Variants in TRAPPC9 observed in about 807,000 individuals in gnomAD.
The protein encoded by TRAPPC9 is IKK2 binding protein.
A neutral mutation model predicts 124.0 loss-of-function variants in TRAPPC9; 83 were observed. The ratio of observed to expected loss-of-function variants is 0.67; its 90% CI spans 0.56 to 0.80. The LOEUF (loss-of-function observed/expected upper bound fraction) is 0.80. Ranked by LOEUF, TRAPPC9 falls within the 30% of genes least tolerant of loss-of-function variation. TRAPPC9 has a pLI of 0.00. For synonymous variants in TRAPPC9, 638 were observed against 617.5 expected (o/e 1.03, Z -0.49); for missense variants, 1,302 against 1,508.3 (o/e 0.86, Z 2.27).
chr8:139,745,725 A>G (rs972021571), intron 21 of TRAPPC9, among the ~76,000 whole-genome samples: 1 of 152,246 alleles, frequency 6.6e-6, no homozygotes, highest in African/African-American at 2.4e-5. Flanking sequence ...GGCAAAGGGG[A>G]AGCCAGGGCC....
In TRAPPC9 at chr8:139,788,071, A is replaced by T. The variant is rs1055527591; in HGVS notation, c.3056-55869T>A. 1.3e-5 allele frequency among the ~76,000 whole-genome samples: 2 copies of T among 152,182 alleles called. No individual in the cohort carries two copies. Among genetic ancestry groups the T allele is most frequent in the Admixed American group, 6.5e-5 (1 of 15,286 alleles). On this transcript the variant is annotated intron_variant, in intron 21 of 22. Coordinates refer to ENST00000438773, the MANE Select transcript of TRAPPC9 (RefSeq NM_001160372.4). The surrounding 1 kb of genome is among the most constrained non-coding windows in gnomAD (Gnocchi z 4.9). ...GCATGGACTCAGAACTAGGAACCCG[A>T]ATTCCAACCAGGCTTCAGCCCAGAA...
intron 21 of TRAPPC9, among the ~76,000 whole-genome samples, chr8:139,846,393 C>T (rs992679116): frequency 2.6e-5 from 4 of 152,246 alleles, no homozygotes; most frequent in African/African-American, 9.6e-5. Context: ...TGGCCCACGA[C>T]CAGGCCCCAC....
intron 9 of TRAPPC9, among the ~76,000 whole-genome samples, chr8:140,333,682 C>T (rs1158101197): frequency 2.0e-5 from 3 of 152,134 alleles, no homozygotes; most frequent in East Asian, 1.9e-4. Context: ...TAAGCCACCG[C>T]GCCTGGCCAT....
chr8:140,004,224 T>C (rs1483491837), intron 18 of TRAPPC9, among the ~76,000 whole-genome samples: 1 of 152,186 alleles, frequency 6.6e-6, no homozygotes, highest in Non-Finnish European at 1.5e-5. Context: ...TGGCAGTGTG[T>C]GAAGTGTTGC....
chr8:140,256,255 G>A (rs2064255780), intron 15 of TRAPPC9, among the ~76,000 whole-genome samples: 1 of 152,194 alleles, frequency 6.6e-6, no homozygotes, highest in African/African-American at 2.4e-5. Context: ...CCTTTAGACG[G>A]TAAGTCACTC....
chr8:140,443,767 T>G (rs1286554909), intron 2 of TRAPPC9, among the ~76,000 whole-genome samples: 1 of 152,052 alleles, frequency 6.6e-6, no homozygotes, highest in Non-Finnish European at 1.5e-5. Context: ...CCGGGCATGG[T>G]GGCTCACGCC....
At chr8:139,780,955 T>C (rs1217254358) in intron 21 of TRAPPC9, among the ~76,000 whole-genome samples, 1 of 152,130 alleles carries the variant, frequency 6.6e-6, no homozygotes, top group African/African-American at 2.4e-5. Flanking sequence ...AAATTGTAAA[T>C]TAAAATAATG....
chr8:140,201,709 T>A (rs1355280555), intron 17 of TRAPPC9, among the ~76,000 whole-genome samples: 1 of 152,234 alleles, frequency 6.6e-6, no homozygotes, highest in Non-Finnish European at 1.5e-5. Flanking sequence ...TGGGGACATT[T>A]TTATATAATA....
At chr8:140,298,532 G>C (rs1049855148) in intron 11 of TRAPPC9, among the ~76,000 whole-genome samples, 1 of 152,074 alleles carries the variant, frequency 6.6e-6, no homozygotes, top group Non-Finnish European at 1.5e-5. Context: ...TGCACCTGTG[G>C]TCCCACCCAC....
At chr8:139,844,026 G>C (rs1339817137) in intron 21 of TRAPPC9, among the ~76,000 whole-genome samples, 1 of 152,072 alleles carries the variant, frequency 6.6e-6, no homozygotes, top group Non-Finnish European at 1.5e-5. Context: ...TCCCCACTCA[G>C]CTCTGGGTCT....
At chr8:140,034,234 A>G (rs1186853735) in intron 17 of TRAPPC9, among the ~76,000 whole-genome samples, 2 of 152,260 alleles carry the variant, frequency 1.3e-5, no homozygotes, top group Non-Finnish European at 2.9e-5. Flanking sequence ...AAGATGATTT[A>G]TACATTAACC....
At chr8:140,343,998 A>G (rs1237212722) in intron 9 of TRAPPC9, among the ~76,000 whole-genome samples, 3 of 152,008 alleles carry the variant, frequency 2.0e-5, no homozygotes, top group African/African-American at 7.3e-5. Flanking sequence ...TAATCCTCAC[A>G]CACACCCTGT....
intron 17 of TRAPPC9, among the ~76,000 whole-genome samples, chr8:140,197,612 A>G (rs2062699128): frequency 6.6e-6 from 1 of 152,134 alleles, no homozygotes; most frequent in African/African-American, 2.4e-5. Context: ...TGTGGGTTTT[A>G]ATTTCCTCTT....
intron 5 of TRAPPC9, among the ~76,000 whole-genome samples, chr8:140,413,408 A>G (rs1038234170): frequency 7.2e-5 from 11 of 152,050 alleles, no homozygotes; most frequent in Non-Finnish European, 1.3e-4. Context: ...TAATAAATAA[A>G]TAAATAGTCA....
intron 17 of TRAPPC9, among the ~76,000 whole-genome samples, chr8:140,210,307 A>T (rs1587931183): frequency 6.6e-6 from 1 of 152,148 alleles, no homozygotes; most frequent in South Asian, 2.1e-4. Flanking sequence ...GCTGGGAGGG[A>T]CCCCCGCCTC....
chr8:140,213,529 G>A (rs2063114955), intron 17 of TRAPPC9, among the ~76,000 whole-genome samples: 1 of 151,880 alleles, frequency 6.6e-6, no homozygotes, highest in Admixed American at 6.6e-5. Context: ...CTATTTCATT[G>A]TTTTCCACTC....
chr8:140,251,580 A>T (rs946963777), intron 16 of TRAPPC9, among the ~76,000 whole-genome samples: 2 of 152,236 alleles, frequency 1.3e-5, no homozygotes, highest in Non-Finnish European at 2.9e-5. Context: ...AGCAAACTCT[A>T]TGGAGGGCGT....
rs1355986122 is a variant in TRAPPC9, at chr8:140,024,077, G to T, written c.2559C>A (p.Thr853=). The stretch of plus-strand genomic sequence containing the variant: ...ATTTGAAATTCAGGACAGCTTCCAG[G>T]GTCTAAAAGATATTAAAAAAAAAAA... ...NKAGDYSHVK[T]LEAVLNFKYS... The change falls in exon 18 of 23, where the codon ACC becomes ACA. Residue 853 remains threonine, a splice_region_variant and synonymous_variant. Coordinates refer to ENST00000438773, the MANE Select transcript of TRAPPC9 (RefSeq NM_001160372.4). The T allele has an allele frequency of 6.2e-7, 1 of 1,613,498 alleles. No individual in the cohort carries two copies. Among genetic ancestry groups the T allele is most frequent in the South Asian group, 1.1e-5 (1 of 91,042 alleles).
At chr8:139,887,745 C>T (rs1191681008) in intron 20 of TRAPPC9, among the ~76,000 whole-genome samples, 1 of 152,236 alleles carries the variant, frequency 6.6e-6, no homozygotes. Flanking sequence ...TAGACACGGT[C>T]ATCTTCCTGT....
Sources: allele counts gnomAD v4.1 joint callset (sites outside exome capture counted in the v4.1 genomes callset), GRCh38; gene constraint gnomAD v4.1.1; non-coding constraint Gnocchi (gnomAD v3.1); transcripts MANE v1.5; gene names NCBI Gene and HGNC (gene_info 2026-07-23, HGNC 2026-07-21).